Variants in PHACTR4 observed in about 807,000 individuals in gnomAD.
The protein encoded by PHACTR4 is phosphatase and actin regulator 4.
A neutral mutation model predicts 72.7 loss-of-function variants in PHACTR4; 51 were observed. That is an observed-to-expected ratio of 0.70 (90% CI 0.56 to 0.89). The LOEUF (loss-of-function observed/expected upper bound fraction) is 0.89, where lower values mean the gene tolerates loss of function less well. Among genes scored for constraint, PHACTR4 ranks in the 40% least tolerant of loss-of-function variants. The pLI, the probability that PHACTR4 is intolerant of heterozygous loss-of-function variation, is 0.00. For missense variants in PHACTR4, 731 were observed against 861.8 expected (o/e 0.85, Z 1.90); for synonymous variants, 255 against 302.5 (o/e 0.84, Z 1.63).
At chr1:28,421,955 T>C (rs1655537304) in intron 2 of PHACTR4, among the ~76,000 whole-genome samples, 1 of 152,212 alleles carries the variant, frequency 6.6e-6, no homozygotes, top group South Asian at 2.1e-4. Context: ...GGATGTATGA[T>C]TGGCTGACTG....
intron 1 of PHACTR4, among the ~76,000 whole-genome samples, chr1:28,395,574 ACTC>A: frequency 6.7e-6 from 1 of 149,752 alleles, no homozygotes; most frequent in Middle Eastern, 3.5e-3. Context: ...TTATGTCTTT[ACTC>A]CTCAGTAATA....
intron 6 of PHACTR4, among the ~76,000 whole-genome samples, chr1:28,471,816 G>A (rs1659577058): frequency 6.6e-6 from 1 of 152,134 alleles, no homozygotes. Flanking sequence ...TGTTGATGGA[G>A]ACAAGGTTGC....
intron 6 of PHACTR4, among the ~76,000 whole-genome samples, chr1:28,473,103 C>T (rs564572310): frequency 5.3e-5 from 8 of 151,342 alleles, no homozygotes; most frequent in East Asian, 2.0e-4. Flanking sequence ...GGTGAAAGCC[C>T]GCCTCTACTA....
At chr1:28,483,512 T>A (rs893242683) in intron 9 of PHACTR4, among the ~76,000 whole-genome samples, 1 of 150,558 alleles carries the variant, frequency 6.6e-6, no homozygotes, top group Non-Finnish European at 1.5e-5. Context: ...AAAAAAGAGA[T>A]AAATCATGGC....
chr1:28,435,030 C>G (rs1163977798), intron 2 of PHACTR4, among the ~76,000 whole-genome samples: 1 of 152,086 alleles, frequency 6.6e-6, no homozygotes, highest in Non-Finnish European at 1.5e-5. Flanking sequence ...CCCAAATATT[C>G]AAGGTAATGC....
intron 9 of PHACTR4, among the ~76,000 whole-genome samples, chr1:28,486,213 G>C (rs1400160047): frequency 6.6e-6 from 1 of 151,896 alleles, no homozygotes; most frequent in Non-Finnish European, 1.5e-5. Flanking sequence ...AAAATTAGCT[G>C]GGCGTGGTAG....
At chr1:28,453,687 G>A in intron 2 of PHACTR4, 1 of 1,258,724 alleles carries the variant, frequency 7.9e-7, no homozygotes, top group Non-Finnish European at 1.1e-6. Context: ...ACCCGTCCTG[G>A]TTCCTCTTAC....
chr1:28,488,300 A>T (rs1454536188), intron 9 of PHACTR4, among the ~76,000 whole-genome samples: 1 of 151,438 alleles, frequency 6.6e-6, no homozygotes, highest in Admixed American at 6.6e-5. Flanking sequence ...GATCGAGACC[A>T]TCCTGGCTAA....
intron 2 of PHACTR4, among the ~76,000 whole-genome samples, chr1:28,413,385 A>G (rs1395886723): frequency 1.3e-5 from 2 of 152,178 alleles, no homozygotes; most frequent in East Asian, 3.9e-4. Flanking sequence ...GTGGTACGCA[A>G]CTGTCATCCT....
rs1016016654 is a variant in PHACTR4, at chr1:28,500,094, C to G, written c.*3545C>G. On this transcript the variant is annotated 3_prime_UTR_variant, in exon 14 of 14. Coordinates refer to ENST00000373839, the MANE Select transcript of PHACTR4 (RefSeq NM_001048183.3). The stretch of plus-strand genomic sequence containing the variant: ...TCTTTCGTCTCATTCATGTTATTTT[C>G]AAGTGAAACAAGACATTTTGGGGGT... 6.6e-6 allele frequency: 1 copy of G among 152,090 alleles called. No individual in the cohort carries two copies. Among genetic ancestry groups the G allele is most frequent in the African/African-American group, 2.4e-5 (1 of 41,418 alleles). 9.4% of individuals were successfully genotyped at this position (152,090 alleles called of 1,614,324 possible). A position where few individuals can be genotyped will look rare whatever the true frequency, so the allele number is the denominator to read the frequency against.
intron 1 of PHACTR4, among the ~76,000 whole-genome samples, chr1:28,374,767 G>A (rs1651511006): frequency 6.6e-6 from 1 of 152,140 alleles, no homozygotes; most frequent in Admixed American, 6.6e-5. Context: ...TACTGATTAG[G>A]GTTGGCTGGG....
intron 1 of PHACTR4, among the ~76,000 whole-genome samples, chr1:28,381,097 C>T (rs1050971918): frequency 9.3e-5 from 14 of 151,090 alleles, no homozygotes; most frequent in African/African-American, 3.4e-4. Flanking sequence ...CAGCCTCTGC[C>T]TCCCGGGTTC....
At chr1:28,453,673 A>G in intron 2 of PHACTR4, 1 of 1,286,496 alleles carries the variant, frequency 7.8e-7, no homozygotes, top group Non-Finnish European at 1.1e-6. Context: ...AGATTGAAAG[A>G]TGGACCCGTC....
At chr1:28,390,757 C>T (rs1414091292) in intron 1 of PHACTR4, among the ~76,000 whole-genome samples, 2 of 151,928 alleles carry the variant, frequency 1.3e-5, no homozygotes, top group East Asian at 1.9e-4. Context: ...CACGCCACTG[C>T]GCTCCAGCCT....
At chr1:28,433,230 T>A (rs1656395748) in intron 2 of PHACTR4, among the ~76,000 whole-genome samples, 2 of 152,156 alleles carry the variant, frequency 1.3e-5, no homozygotes, top group Admixed American at 1.3e-4. Flanking sequence ...CCTTTTACAT[T>A]TCTAAAACAT....
At chr1:28,390,291 G>C (rs968197635) in intron 1 of PHACTR4, among the ~76,000 whole-genome samples, 5 of 152,140 alleles carry the variant, frequency 3.3e-5, no homozygotes, top group African/African-American at 1.2e-4. Flanking sequence ...GAGTTGGTGG[G>C]ACTACAGGCA....
chr1:28,409,924 A>G (rs962977135), intron 2 of PHACTR4, among the ~76,000 whole-genome samples: 5 of 149,820 alleles, frequency 3.3e-5, no homozygotes, highest in African/African-American at 1.2e-4. Flanking sequence ...GTTTGAACAC[A>G]AGAGGGCAGT....
At chr1:28,473,275 C>CA (rs759485996) in intron 6 of PHACTR4, among the ~76,000 whole-genome samples, 2,522 of 81,888 alleles carry the variant, frequency 0.031, 84 homozygotes, top group East Asian at 0.21. Context: ...GACCCTGTCT[C>CA]AAAAAAAAAA....
chr1:28,486,609 G>A (rs1660659612), intron 9 of PHACTR4, among the ~76,000 whole-genome samples: 1 of 152,050 alleles, frequency 6.6e-6, no homozygotes, highest in Admixed American at 6.6e-5. Flanking sequence ...GCTCATGCCT[G>A]TAATCCCAAC....
Sources: gnomAD v4.1 joint callset for allele counts (sites outside exome capture counted in the v4.1 genomes callset) on GRCh38, gnomAD v4.1.1 for gene constraint, MANE v1.5 for transcripts, NCBI Gene and HGNC (gene_info 2026-07-23, HGNC 2026-07-21) for gene names.